The following TPR variants were observed in gnomAD, a reference collection of about 807,000 sequenced individuals.
The protein encoded by TPR is nucleoprotein TPR.
TPR carries 51 observed loss-of-function variants against 316.1 expected under a neutral mutation model. That is an observed-to-expected ratio of 0.16 (90% confidence interval 0.13 to 0.20). TPR has a LOEUF of 0.20. TPR is among the 10% of genes least tolerant of loss of function. The probability of loss-of-function intolerance (pLI) is 1.00; values close to 1 mark genes in which losing one functional copy is unlikely to be tolerated. For synonymous variants in TPR, 981 were observed against 914.7 expected, an observed-to-expected ratio of 1.07 and a Z score of -1.31; for missense variants, 2,272 against 2,754.8, an observed-to-expected ratio of 0.82 and a Z score of 3.92.
intron 2 of TPR, among the ~76,000 whole-genome samples, chr1:186,371,670 A>T (rs1054364717): frequency 5.9e-5 from 9 of 152,194 alleles, no homozygotes; most frequent in Non-Finnish European, 8.8e-5. Context: ...TTGAAACTGT[A>T]TTTCACTAAA....
At position 186,320,476 on chromosome 1, in the gene TPR, ATGGTG is replaced by A; in HGVS notation, c.6462-63_6462-59del. ...TTAAAGTTAACCTATTTAAACCACA[ATGGTG>A]AAAAAAATATAGGAAGAAGGAAGAA... On this transcript the variant is annotated intron_variant, in intron 45 of 50. Transcript: ENST00000367478. 2.8e-6 allele frequency: 4 copies of A among 1,424,790 alleles called. No homozygotes were observed. The South Asian group carries it at 4.0e-5, about 14-fold the overall frequency. The allele number at this position is 1,424,790 out of a possible 1,614,324, so 88.3% of individuals were successfully genotyped here. A position where few individuals can be genotyped will look rare whatever the true frequency, so the allele number is the denominator to read the frequency against.
At chr1:186,347,022 C>T (rs1280680054) in intron 22 of TPR, among the ~76,000 whole-genome samples, 9 of 152,194 alleles carry the variant, frequency 5.9e-5, no homozygotes, top group Admixed American at 5.9e-4. Flanking sequence ...TGAAGGCATG[C>T]ATACCCAGTA....
chr1:186,321,259 C>A (rs773483537), intron 45 of TPR, among the ~76,000 whole-genome samples: 3 of 152,128 alleles, frequency 2.0e-5, no homozygotes, highest in Admixed American at 1.3e-4. Context: ...TGGTTCTAAC[C>A]GCCACATGTT....
At chr1:186,317,369 A>C (rs1179860269) in intron 49 of TPR, 113 bp downstream of exon 49, 8 of 826,164 alleles carry the variant, frequency 9.7e-6, no homozygotes, top group Non-Finnish European at 1.6e-5. Context: ...TTTTAAATAA[A>C]GCATTTTAAA....
rs1484924144 is a variant in TPR at position 186,345,487 on chromosome 1, TGTAAG to T, written c.3213+88_3213+92del. 1.5e-5 allele frequency: 15 copies of T among 977,060 alleles called. No individual in the cohort carries two copies. In the Admixed American group the frequency reaches 3.5e-4, roughly 23 times the overall value. The allele number at this position is 977,060 out of a possible 1,614,324, so 60.5% of individuals were successfully genotyped here. A position where few individuals can be genotyped will look rare whatever the true frequency, so the allele number is the denominator to read the frequency against. ...AAAAGTGGAAATTATCTTGAATTTT[TGTAAG>T]GTCCACCAGTTCTTATAATGCATAA... On this transcript the variant is annotated intron_variant, in intron 24 of 50. Coordinates refer to ENST00000367478, the MANE Select transcript of TPR (RefSeq NM_003292.3).
chr1:186,362,149 A>T, intron 7 of TPR, 139 bp downstream of exon 7: 1 of 678,550 alleles, frequency 1.5e-6, no homozygotes, highest in Non-Finnish European at 2.4e-6. Context: ...ATTTTAGCCT[A>T]GCTACAGCAT....
chr1:186,342,026 G>A (rs2102073131), intron 27 of TPR: 1 of 152,136 alleles, frequency 6.6e-6, no homozygotes, highest in South Asian at 2.1e-4. Flanking sequence ...CTGGAGTCCA[G>A]TGGTGTGATC....
chr1:186,361,564 A>T (rs1571634568), intron 9 of TPR, 58 bp downstream of exon 9: 14 of 485,232 alleles, frequency 2.9e-5, no homozygotes, highest in South Asian at 4.1e-5. Context: ...AAACAAGGGT[A>T]AAAAAAAAAA....
chr1:186,323,652 G>A (rs1424940956), intron 43 of TPR, 34 bp downstream of exon 43: 1 of 1,415,658 alleles, frequency 7.1e-7, no homozygotes, highest in Non-Finnish European at 9.2e-7. Flanking sequence ...TTTTTTTCAA[G>A]TTCATTTTTC....
chr1:186,362,005 G>A (rs1029477094), intron 7 of TPR, 136 bp from the exon 8 acceptor site: 9 of 750,442 alleles, frequency 1.2e-5, no homozygotes, highest in African/African-American at 1.8e-5. Context: ...CAGTCTTCAT[G>A]ACAAAGATAA....
At chr1:186,334,191 A>G (rs1658270173) in intron 36 of TPR, 134 bp downstream of exon 36, 2 of 949,500 alleles carry the variant, frequency 2.1e-6, no homozygotes, top group Non-Finnish European at 3.0e-6. Context: ...ATGTCCTTCA[A>G]ATATTAAACA....
chr1:186,335,210 T>G, intron 34 of TPR, 81 bp from the exon 35 acceptor site: 1 of 1,556,174 alleles, frequency 6.4e-7, no homozygotes. Flanking sequence ...GTCATTATTG[T>G]TAATTCTCTC....
intron 39 of TPR, 107 bp from the exon 40 acceptor site, chr1:186,327,767 G>T: frequency 1.1e-6 from 1 of 943,264 alleles, no homozygotes; most frequent in Non-Finnish European, 1.6e-6. Flanking sequence ...GAGTACTTAT[G>T]GACTAGCAGC....
At chr1:186,347,519 A>T (rs938719623) in intron 21 of TPR, 61 bp from the exon 22 acceptor site, 1 of 1,532,090 alleles carries the variant, frequency 6.5e-7, no homozygotes, top group Non-Finnish European at 8.8e-7. Context: ...GATGACTGTT[A>T]TAAAGAGCTT....
chr1:186,348,048 G>C (rs142155868), intron 21 of TPR, among the ~76,000 whole-genome samples: 39 of 152,184 alleles, frequency 2.6e-4, no homozygotes, highest in Non-Finnish European at 4.7e-4. Flanking sequence ...CCTTGAAAAA[G>C]AACAGAATAA....
At chr1:186,337,291 A>G in intron 31 of TPR, 135 bp from the exon 32 acceptor site, 1 of 1,091,960 alleles carries the variant, frequency 9.2e-7, no homozygotes, top group South Asian at 2.0e-5. Context: ...AGAATTTTCT[A>G]TGAAACAACT....
At chr1:186,353,310 T>G (rs908236326) in intron 18 of TPR, among the ~76,000 whole-genome samples, 1 of 151,362 alleles carries the variant, frequency 6.6e-6, no homozygotes, top group African/African-American at 2.4e-5. Context: ...AGGCGGAGCT[T>G]GCAGTGAGCC....
chr1:186,328,310 T>C (rs186878953), intron 39 of TPR, among the ~76,000 whole-genome samples: 169 of 152,318 alleles, frequency 1.1e-3, no homozygotes, highest in Non-Finnish European at 1.8e-3. Context: ...ATTTTAAATT[T>C]GTTAGTAGCC....
intron 13 of TPR, among the ~76,000 whole-genome samples, chr1:186,358,310 T>C (rs948235237): frequency 2.6e-5 from 4 of 152,154 alleles, no homozygotes; most frequent in Non-Finnish European, 5.9e-5. Flanking sequence ...TATCTTTGAA[T>C]TATTTCTTCA....
Sources: gnomAD v4.1 joint callset for allele counts (sites outside exome capture counted in the v4.1 genomes callset) on GRCh38, gnomAD v4.1.1 for gene constraint, MANE v1.5 for transcripts, NCBI Gene and HGNC (gene_info 2026-07-23, HGNC 2026-07-21) for gene names.